ZCWPW2: variants seen among roughly 807,000 people sequenced by gnomAD.
ZCWPW2 encodes the protein zinc finger CW-type PWWP domain protein 2.
ZCWPW2 carries 45 observed loss-of-function variants against 46.6 expected under a neutral mutation model. The observed-to-expected ratio is 0.96, with a 90% CI of 0.76 to 1.24. ZCWPW2 has a LOEUF of 1.24. Among genes scored for constraint, ZCWPW2 ranks in the 50% most tolerant of loss-of-function variants. The probability of loss-of-function intolerance (pLI) is 0.00; values close to 1 mark genes in which losing one functional copy is unlikely to be tolerated. For synonymous variants in ZCWPW2, 152 were observed against 137.1 expected, an observed-to-expected ratio of 1.11 and a Z score of -0.76; for missense variants, 429 against 403.9, an observed-to-expected ratio of 1.06 and a Z score of -0.53.
intron 1 of ZCWPW2, among the ~76,000 whole-genome samples, chr3:28,350,701 T>A (rs1167241393): frequency 4.7e-5 from 7 of 150,020 alleles, no homozygotes; most frequent in African/African-American, 1.8e-4. Flanking sequence ...ATAAAATAAA[T>A]TGTTAGAGAA....
chr3:28,495,051 C>A (rs1361715438), intron 6 of ZCWPW2, among the ~76,000 whole-genome samples: 2 of 151,920 alleles, frequency 1.3e-5, no homozygotes, highest in African/African-American at 2.4e-5. Flanking sequence ...CTACCAATGA[C>A]TTTCTTCACA....
intron 3 of ZCWPW2, among the ~76,000 whole-genome samples, chr3:28,417,091 T>G (rs1388030947): frequency 7.1e-6 from 1 of 139,894 alleles, no homozygotes; most frequent in African/African-American, 2.7e-5. Flanking sequence ...GTCAACAAAA[T>G]TGATAGACCG....
At chr3:28,410,882 A>G (rs1015834246) in intron 2 of ZCWPW2, among the ~76,000 whole-genome samples, 1 of 151,956 alleles carries the variant, frequency 6.6e-6, no homozygotes, top group Non-Finnish European at 1.5e-5. Context: ...ATAAATGAAG[A>G]AAAAAAGAGA....
chr3:28,394,159 A>C (rs1370736629), intron 2 of ZCWPW2, among the ~76,000 whole-genome samples: 3 of 152,140 alleles, frequency 2.0e-5, no homozygotes, highest in African/African-American at 4.8e-5. Context: ...TATTCAGAAG[A>C]AAATCCCATT....
chr3:28,472,088 T>C (rs886692018), intron 4 of ZCWPW2, among the ~76,000 whole-genome samples: 9 of 151,900 alleles, frequency 5.9e-5, no homozygotes, highest in Admixed American at 3.3e-4. Flanking sequence ...CAGAAAAAAA[T>C]GGAGACATAT....
rs554083277 is a variant in ZCWPW2 at position 28,441,387 on chromosome 3, G to A, written c.492+6118G>A. On this transcript the variant is annotated intron_variant, in intron 4 of 9. Coordinates refer to ENST00000383768, the MANE Select transcript of ZCWPW2 (RefSeq NM_001040432.4). ...ATCAGTATATAATCACACATCTGGC[G>A]ATTTCTCCTTCCATGCAAAGTGCAC... Among the ~76,000 whole-genome samples, 9 of 152,248 alleles carry A rather than the reference G, an allele frequency of 5.9e-5. No individual in the cohort carries two copies. In the East Asian group the frequency reaches 1.2e-3, roughly 20 times the overall value.
Position 28,436,847 on chromosome 3 carries a change from C to T in ZCWPW2, c.492+1578C>T, listed in dbSNP as rs137973648. On this transcript the variant is annotated intron_variant, in intron 4 of 9. Transcript: ENST00000383768. ...ACAGGATAGAATATTCCATCTTGGC[C>T]GCTTTATAAAGGATACGGGAATCTT... 2.1e-3 allele frequency among the ~76,000 whole-genome samples: 322 copies of T among 152,170 alleles called. 1 individual carries two copies. In the South Asian group the frequency reaches 0.022, roughly 10 times the overall value.
chr3:28,372,359 G>A lies in ZCWPW2; in HGVS notation c.-133-18139G>A, dbSNP rs75171020. Among the ~76,000 whole-genome samples the A allele has an allele frequency of 6.9e-3, 1,044 of 152,146 alleles. 11 individuals are homozygous for A. The highest frequency in any genetic ancestry group is 0.023 in the African/African-American group (944 of 41,504). ...TTAGAAGCTTAAGAGAATCATCAGT[G>A]TTTTTAGAAAAGGAAAATAAGCAAA... On this transcript the variant is annotated intron_variant, in intron 1 of 9. Transcript: ENST00000383768.
At chr3:28,386,783 T>A (rs1695288977) in intron 1 of ZCWPW2, among the ~76,000 whole-genome samples, 1 of 152,226 alleles carries the variant, frequency 6.6e-6, no homozygotes, top group East Asian at 1.9e-4. Context: ...CTGTTTTCTC[T>A]TGTTGGATTT....
chr3:28,357,322 A>G (rs1030547140), intron 1 of ZCWPW2, among the ~76,000 whole-genome samples: 4 of 152,194 alleles, frequency 2.6e-5, no homozygotes, highest in African/African-American at 9.6e-5. Flanking sequence ...CAAACTCACA[A>G]CTCACAAAAT....
rs142302547 is a variant in ZCWPW2 at position 28,389,311 on chromosome 3, G to C, written c.-133-1187G>C. ...GATGGAGAACTTGAGCTAGAAATTT[G>C]AGTCCCTGAGCTCATCCTTTTTCTT... On this transcript the variant is annotated intron_variant, in intron 1 of 9. Transcript: ENST00000383768. Among the ~76,000 whole-genome samples the C allele has an allele frequency of 5.2e-3, 797 of 152,254 alleles. 9 individuals are homozygous for C. Among genetic ancestry groups the C allele is most frequent in the African/African-American group, 0.018 (760 of 41,552 alleles).
intron 4 of ZCWPW2, among the ~76,000 whole-genome samples, chr3:28,456,885 G>A (rs193061620): frequency 2.6e-4 from 40 of 152,254 alleles, no homozygotes; most frequent in Non-Finnish European, 4.7e-4. Context: ...GTATTTTGAC[G>A]AGGATTTTTG....
intron 3 of ZCWPW2, among the ~76,000 whole-genome samples, chr3:28,413,614 A>G (rs1696498801): frequency 6.6e-6 from 1 of 152,086 alleles, no homozygotes; most frequent in Non-Finnish European, 1.5e-5. Flanking sequence ...CAATATAGGC[A>G]ATTAAAGCTA....
chr3:28,358,666 A>G (rs1366487119), intron 1 of ZCWPW2, among the ~76,000 whole-genome samples: 3 of 152,094 alleles, frequency 2.0e-5, no homozygotes, highest in Non-Finnish European at 4.4e-5. Flanking sequence ...TTCAACATCA[A>G]GTGTTGTGTA....
chr3:28,463,956 G>A (rs147781806), intron 4 of ZCWPW2, among the ~76,000 whole-genome samples: 290 of 151,728 alleles, frequency 1.9e-3, no homozygotes, highest in African/African-American at 6.6e-3. Flanking sequence ...TAAAGGGAAG[G>A]GAAGGAAAAG....
At chr3:28,435,404 T>G in intron 4 of ZCWPW2, 135 bp downstream of exon 4, 3 of 753,714 alleles carry the variant, frequency 4.0e-6, no homozygotes, top group African/African-American at 1.8e-5. Flanking sequence ...AATTCAAATA[T>G]TTGTATTTTT....
At chr3:28,464,335 G>T (rs1306015227) in intron 4 of ZCWPW2, among the ~76,000 whole-genome samples, 2 of 152,104 alleles carry the variant, frequency 1.3e-5, no homozygotes, top group South Asian at 2.1e-4. Flanking sequence ...GTTTAAAAGG[G>T]TCTTCACCCA....
chr3:28,468,037 G>A lies in ZCWPW2; in HGVS notation c.493-10777G>A, dbSNP rs187411422. 1.2e-3 allele frequency among the ~76,000 whole-genome samples: 177 copies of A among 152,200 alleles called. 1 individual carries two copies. The highest frequency in any genetic ancestry group is 3.9e-3 in the African/African-American group (164 of 41,536). ...GACCTTTCAGACAGAATTCAAAATAGCTGTTTTGAGGAACTCAAAGAAATT... is the reference window on the plus strand; with the variant it reads ...GACCTTTCAGACAGAATTCAAAATAACTGTTTTGAGGAACTCAAAGAAATT... On this transcript the variant is annotated intron_variant, in intron 4 of 9. Transcript: ENST00000383768.
intron 4 of ZCWPW2, among the ~76,000 whole-genome samples, chr3:28,460,806 T>G (rs1466646436): frequency 6.6e-6 from 1 of 152,194 alleles, no homozygotes; most frequent in African/African-American, 2.4e-5. Flanking sequence ...GATGCGTCAG[T>G]GCAATACATG....
Sources: gnomAD v4.1 joint callset for allele counts (sites outside exome capture counted in the v4.1 genomes callset) on GRCh38, gnomAD v4.1.1 for gene constraint, MANE v1.5 for transcripts, NCBI Gene and HGNC (gene_info 2026-07-23, HGNC 2026-07-21) for gene names.